Variants in ZNF773 observed in about 807,000 individuals in gnomAD.
ZNF773 encodes zinc finger protein 773.
Under a neutral mutation model 12.8 loss-of-function variants are expected in ZNF773, and 11 were observed. That is an observed-to-expected ratio of 0.86 (90% CI 0.54 to 1.42). ZNF773 has a LOEUF of 1.42. Among genes scored for constraint, ZNF773 ranks in the 40% most tolerant of loss-of-function variants. The pLI, the probability that ZNF773 is intolerant of heterozygous loss-of-function variation, is 0.00. For synonymous variants in ZNF773, 175 were observed against 178.4 expected (o/e 0.98, Z 0.15); for missense variants, 518 against 527.2 (o/e 0.98, Z 0.17).
chr19:57,511,176 G>A (rs2089792046), downstream of ZNF773, among the ~76,000 whole-genome samples: 2 of 151,188 alleles, frequency 1.3e-5, no homozygotes, highest in Non-Finnish European at 2.9e-5. Context: ...TCAGCCTCCT[G>A]CGTAGCTGGG....
chr19:57,509,455 T>G (rs919219719), downstream of ZNF773, among the ~76,000 whole-genome samples: 39 of 152,330 alleles, frequency 2.6e-4, no homozygotes, highest in Non-Finnish European at 5.0e-4. Context: ...AATTTTTTAA[T>G]AAAAGGAAGC....
chr19:57,511,736 CATACACACAT>C (rs1393165733), downstream of ZNF773, among the ~76,000 whole-genome samples: 549 of 151,352 alleles, frequency 3.6e-3, 5 homozygotes, highest in African/African-American at 0.012. Flanking sequence ...CACACACACA[CATACACACAT>C]ACACACACTC....
downstream of ZNF773, among the ~76,000 whole-genome samples, chr19:57,511,760 A>G (rs1205609821): frequency 6.6e-6 from 1 of 152,018 alleles, no homozygotes; most frequent in Non-Finnish European, 1.5e-5. Context: ...CACACTCAAA[A>G]CTAAAATGTC....
chr19:57,506,611 G>A lies in ZNF773; in HGVS notation c.516G>A (p.Glu172=). Residue 172 remains glutamate, a synonymous_variant, in exon 4 of 4, where the codon GAG becomes GAA. Transcript: ENST00000282292. ...AGCACCAGGTGACTCACACGGGAGA[G>A]AAGTCACATAGGAGCTCCAAAAGTA... ...VLKHQVTHTG[E]KSHRSSKSRE... The A allele has an allele frequency of 1.9e-6, 3 of 1,614,220 alleles. No homozygotes were observed. Among genetic ancestry groups the A allele is most frequent in the Non-Finnish European group, 2.5e-6 (3 of 1,180,026 alleles).
At chr19:57,508,641 C>T (rs1451351134), downstream of ZNF773, 3 of 669,766 alleles carry the variant, frequency 4.5e-6, no homozygotes, top group South Asian at 4.7e-5. Context: ...CATATTTCCT[C>T]CTGGAATATA....
At chr19:57,514,735 T>C (rs2089821234), downstream of ZNF773, 1 of 152,210 alleles carries the variant, frequency 6.6e-6, no homozygotes. Flanking sequence ...CAGACAAAAT[T>C]ATTGTTCCCT....
At chr19:57,504,416 T>C (rs528312092) in intron 1 of ZNF773, among the ~76,000 whole-genome samples, 2 of 152,286 alleles carry the variant, frequency 1.3e-5, no homozygotes, top group Non-Finnish European at 2.9e-5. Flanking sequence ...GTGAGTTGTC[T>C]GGCAAGAGAA....
chr19:57,508,677 C>T (rs1383421755), downstream of ZNF773: 11 of 623,108 alleles, frequency 1.8e-5, no homozygotes, highest in Non-Finnish European at 2.9e-5. Context: ...CTTCATATTA[C>T]TGACAGTTTA....
At chr19:57,505,589 C>G (rs1014101104) in intron 3 of ZNF773, among the ~76,000 whole-genome samples, 189 bp downstream of exon 3, 1 of 152,148 alleles carries the variant, frequency 6.6e-6, no homozygotes, top group Non-Finnish European at 1.5e-5. Flanking sequence ...CCCCACCTCT[C>G]TGTACTCCAT....
In ZNF773 at chr19:57,506,348, C is replaced by G. The variant is rs1304522817; in HGVS notation, c.263-10C>G. On this transcript the variant is annotated splice_polypyrimidine_tract_variant and intron_variant, in intron 3 of 3. Transcript: ENST00000282292. Reference sequence around the variant, plus strand: ...CTACATTTACTTCATCAACATTTCTCTTCTTTCAGGTAGTTGGCAAGGAGC... The same window carrying G: ...CTACATTTACTTCATCAACATTTCTGTTCTTTCAGGTAGTTGGCAAGGAGC... 1.3e-6 allele frequency: 2 copies of G among 1,597,420 alleles called. No individual in the cohort carries two copies. The highest frequency in any genetic ancestry group is 2.7e-5 in the African/African-American group (2 of 73,926).
chr19:57,512,927 AG>A, downstream of ZNF773: 2 of 1,359,164 alleles, frequency 1.5e-6, no homozygotes, highest in Non-Finnish European at 1.9e-6. Flanking sequence ...GTAGAAGCTC[AG>A]GGCCCTTGTT....
rs2089755654 is a variant in ZNF773 at position 57,507,567 on chromosome 19, C to G, written c.*143C>G. On this transcript the variant is annotated 3_prime_UTR_variant, in exon 4 of 4. Coordinates refer to ENST00000282292, the MANE Select transcript of ZNF773 (RefSeq NM_198542.3). ...AACACTGGACAGTTCACAGAGTGGA[C>G]AATGTAGTGAATATGGTAAAAGGCC... The G allele has an allele frequency of 1.4e-6, 2 of 1,440,078 alleles. No individual in the cohort carries two copies. The highest frequency in any genetic ancestry group is 1.4e-5 in the African/African-American group (1 of 69,818). The allele number at this position is 1,440,078 out of a possible 1,614,324, so 89.2% of individuals were successfully genotyped here.
chr19:57,510,527 G>A (rs1169503797), downstream of ZNF773, among the ~76,000 whole-genome samples: 2 of 151,960 alleles, frequency 1.3e-5, no homozygotes, highest in Non-Finnish European at 2.9e-5. Context: ...AAAACAAAAA[G>A]TCTTAAGATT....
downstream of ZNF773, chr19:57,516,510 T>C (rs2089833207): frequency 6.6e-6 from 1 of 152,116 alleles, no homozygotes; most frequent in South Asian, 2.1e-4. Flanking sequence ...CTCAGAACAA[T>C]GGTATCAATT....
chr19:57,502,961 G>A (rs1272151236), intron 1 of ZNF773, among the ~76,000 whole-genome samples: 2 of 152,190 alleles, frequency 1.3e-5, no homozygotes, highest in South Asian at 4.1e-4. Context: ...AAAGTGCTGG[G>A]ATTACAGACA....
chr19:57,511,173 C>T (rs903079153), downstream of ZNF773, among the ~76,000 whole-genome samples: 10 of 151,906 alleles, frequency 6.6e-5, no homozygotes, highest in African/African-American at 2.4e-4. Context: ...GCCTCAGCCT[C>T]CTGCGTAGCT....
chr19:57,506,457 G>A lies in ZNF773; in HGVS notation c.362G>A (p.Gly121Glu). 2 of 1,614,200 alleles carry A rather than the reference G, an allele frequency of 1.2e-6. No individual in the cohort carries two copies. Among genetic ancestry groups the A allele is most frequent in the Non-Finnish European group, 1.7e-6 (2 of 1,180,038 alleles). The change falls in exon 4 of 4, where the codon GGA (glycine) becomes GAA (glutamate). Residue 121 changes from glycine to glutamate, a missense_variant. Physicochemically the swap from Gly to Glu is moderately conservative, Grantham distance 98. Coordinates refer to ENST00000282292, the MANE Select transcript of ZNF773 (RefSeq NM_198542.3). ...NVQQHQKQHC[G>E]EKPLKRQEGR... ...CAGCAACACCAGAAGCAGCACTGTGGAGAGAAACCCTTAAAAAGACAAGAG... is the reference window on the plus strand; with the variant it reads ...CAGCAACACCAGAAGCAGCACTGTGAAGAGAAACCCTTAAAAAGACAAGAG...
intron 1 of ZNF773, among the ~76,000 whole-genome samples, chr19:57,503,988 A>G (rs1301750796): frequency 4.6e-5 from 7 of 152,190 alleles, no homozygotes; most frequent in Non-Finnish European, 1.0e-4. Flanking sequence ...AGTCAGAGGA[A>G]CGCTGACATT....
intron 1 of ZNF773, among the ~76,000 whole-genome samples, chr19:57,502,497 G>A (rs1262497422): frequency 6.6e-6 from 1 of 152,112 alleles, no homozygotes; most frequent in Non-Finnish European, 1.5e-5. Context: ...AGGAAGGATG[G>A]AAATGGGGAA....
Sources: gnomAD v4.1 joint callset for allele counts (sites outside exome capture counted in the v4.1 genomes callset) on GRCh38, gnomAD v4.1.1 for gene constraint, MANE v1.5 for transcripts, NCBI Gene and HGNC (gene_info 2026-07-23, HGNC 2026-07-21) for gene names.